The following NUP43 variants were observed in gnomAD, a reference collection of about 807,000 sequenced individuals.
NUP43 encodes the protein nucleoporin Nup43.
NUP43 carries 32 observed loss-of-function variants against 47.3 expected under a neutral mutation model. The ratio of observed to expected loss-of-function variants is 0.68; its 90% CI spans 0.51 to 0.91. The LOEUF is 0.91. Among genes scored for constraint, NUP43 ranks in the 40% least tolerant of loss-of-function variants. The probability of loss-of-function intolerance (pLI) is 0.00; values close to 1 mark genes in which losing one functional copy is unlikely to be tolerated. For missense variants in NUP43, 444 were observed against 453.9 expected (o/e 0.98, Z 0.20); for synonymous variants, 147 against 158.4 (o/e 0.93, Z 0.54).
chr6:149,733,771 A>G (rs1413810171), intron 6 of NUP43, among the ~76,000 whole-genome samples: 1 of 151,776 alleles, frequency 6.6e-6, no homozygotes, highest in Non-Finnish European at 1.5e-5. Context: ...ATATTCCAAA[A>G]TCACTTTCAA....
At chr6:149,746,543 GCCTCTCAGCAC>G, upstream of NUP43, 1 of 1,613,740 alleles carries the variant, frequency 6.2e-7, no homozygotes, top group Non-Finnish European at 8.5e-7. Context: ...CACAGTACGC[GCCTCTCAGCAC>G]CGCCTCTTCC....
chr6:149,744,449 A>G (rs6942145), intron 2 of NUP43, among the ~76,000 whole-genome samples: 1 of 150,086 alleles, frequency 6.7e-6, no homozygotes, highest in South Asian at 2.1e-4. Flanking sequence ...ACTTGAACCC[A>G]CGAGGTGGGG....
At chr6:149,742,911 C>T (rs1480876177) in intron 3 of NUP43, among the ~76,000 whole-genome samples, 1 of 152,226 alleles carries the variant, frequency 6.6e-6, no homozygotes, top group Non-Finnish European at 1.5e-5. Flanking sequence ...GGCTGTCGCT[C>T]ATGCCTGTAA....
intron 7 of NUP43, chr6:149,728,457 T>G (rs1490012739): frequency 1.0e-6 from 1 of 985,148 alleles, no homozygotes; most frequent in Non-Finnish European, 1.2e-6. Flanking sequence ...GCTCCACACA[T>G]GCTCTCCGCT....
intron 4 of NUP43, among the ~76,000 whole-genome samples, 164 bp downstream of exon 4, chr6:149,742,216 GTGTTTCTCCA>G (rs1785697917): frequency 6.6e-6 from 1 of 152,154 alleles, no homozygotes. Context: ...AGTAGAGACG[GTGTTTCTCCA>G]TGTTGGTCAG....
chr6:149,738,351 A>G (rs1785473966), intron 5 of NUP43, among the ~76,000 whole-genome samples: 1 of 152,206 alleles, frequency 6.6e-6, no homozygotes, highest in Non-Finnish European at 1.5e-5. Flanking sequence ...CAATCATTAC[A>G]TCTGGAGTAT....
chr6:149,730,234 C>T (rs1784966059), intron 7 of NUP43, among the ~76,000 whole-genome samples: 1 of 152,168 alleles, frequency 6.6e-6, no homozygotes. Context: ...GTCTCGAACT[C>T]CCAAACTCAG....
chr6:149,741,130 A>T (rs376178800), intron 4 of NUP43, among the ~76,000 whole-genome samples: 9 of 151,830 alleles, frequency 5.9e-5, no homozygotes, highest in African/African-American at 2.2e-4. Context: ...TACTGTCTTG[A>T]CAAAGGGATC....
At chr6:149,732,190 A>G (rs1785088285) in intron 6 of NUP43, among the ~76,000 whole-genome samples, 1 of 151,160 alleles carries the variant, frequency 6.6e-6, no homozygotes, top group Admixed American at 6.6e-5. Context: ...TGAGAAAAAA[A>G]AAAAAAAAAG....
chr6:149,737,543 C>A (rs753055234), intron 5 of NUP43, among the ~76,000 whole-genome samples: 1 of 152,164 alleles, frequency 6.6e-6, no homozygotes, highest in Non-Finnish European at 1.5e-5. Flanking sequence ...GGATTACAGG[C>A]ATGAGTCACC....
chr6:149,743,740 A>G (rs1322241137), intron 2 of NUP43, 25 bp from the exon 3 acceptor site: 1 of 1,445,500 alleles, frequency 6.9e-7, no homozygotes, highest in Admixed American at 1.7e-5. Flanking sequence ...TCTGCTTGTT[A>G]AAGATTCAGA....
At chr6:149,747,592 C>T (rs1786080029), upstream of NUP43, among the ~76,000 whole-genome samples, 1 of 151,908 alleles carries the variant, frequency 6.6e-6, no homozygotes, top group Non-Finnish European at 1.5e-5. Flanking sequence ...GATATCTAGA[C>T]CACTAATGAC....
chr6:149,728,762 C>T (rs1161948046), intron 7 of NUP43, among the ~76,000 whole-genome samples: 1 of 152,166 alleles, frequency 6.6e-6, no homozygotes, highest in Non-Finnish European at 1.5e-5. Flanking sequence ...CCTTGCAGTT[C>T]TCTGCCTGTC....
intron 3 of NUP43, among the ~76,000 whole-genome samples, chr6:149,743,163 G>C (rs1235549714): frequency 6.7e-5 from 10 of 150,104 alleles, no homozygotes; most frequent in African/African-American, 2.5e-4. Context: ...GTGACAGAGA[G>C]AGACTCTGTC....
chr6:149,732,771 G>A (rs939702309), intron 6 of NUP43, among the ~76,000 whole-genome samples: 21 of 152,096 alleles, frequency 1.4e-4, no homozygotes, highest in Non-Finnish European at 2.8e-4. Context: ...GCTTGAACCC[G>A]GGAGGCAAGG....
intron 7 of NUP43, chr6:149,729,478 C>T: frequency 1.0e-6 from 1 of 976,418 alleles, no homozygotes; most frequent in Non-Finnish European, 1.2e-6. Flanking sequence ...GGCAACAACA[C>T]TGGTGGTAGT....
At position 149,742,492 on chromosome 6, in the gene NUP43, A is replaced by C. The variant is rs772516982; in HGVS notation, c.400T>G (p.Cys134Gly). 1 of 1,613,892 alleles carries C rather than the reference A, an allele frequency of 6.2e-7. No homozygotes were observed. The highest frequency in any genetic ancestry group is 1.1e-5 in the South Asian group (1 of 91,078). Residue 134 changes from cysteine (C) to glycine (G), a missense_variant, in exon 4 of 8, where the codon TGT becomes GGT. Cys to Gly is a radical substitution (Grantham distance 159, BLOSUM62 -3). Transcript: ENST00000340413. ...GGGTTGTTGCACACAACACCTGTACATGGTGCACTGCTATAGGAAGGACTG... is the reference window on the plus strand; with the variant it reads ...GGGTTGTTGCACACAACACCTGTACCTGGTGCACTGCTATAGGAAGGACTG... ...PGSPSYSSAP[C>G]TGVVCNNPEI...
intron 4 of NUP43, among the ~76,000 whole-genome samples, chr6:149,739,293 CTTTT>C (rs1283118675): frequency 1.3e-5 from 2 of 151,230 alleles, no homozygotes; most frequent in South Asian, 2.1e-4. Flanking sequence ...TTTTCTTTTT[CTTTT>C]TGTTTTTTGA....
upstream of NUP43, among the ~76,000 whole-genome samples, chr6:149,749,034 A>G (rs1786174865): frequency 6.6e-6 from 1 of 152,136 alleles, no homozygotes; most frequent in Non-Finnish European, 1.5e-5. Context: ...TAACACGTTC[A>G]CCAAAGGACA....
Sources: gnomAD v4.1 joint callset for allele counts (sites outside exome capture counted in the v4.1 genomes callset) on GRCh38, gnomAD v4.1.1 for gene constraint, MANE v1.5 for transcripts, NCBI Gene and HGNC (gene_info 2026-07-23, HGNC 2026-07-21) for gene names.